Variants in SGCZ observed in about 807,000 individuals in gnomAD.
The protein encoded by SGCZ is sarcoglycan zeta, also known as zeta-sarcoglycan.
SGCZ carries 40 observed loss-of-function variants against 41.3 expected under a neutral mutation model. The observed-to-expected ratio is 0.97, with a 90% CI of 0.75 to 1.26. The LOEUF (loss-of-function observed/expected upper bound fraction) is 1.26. Among genes scored for constraint, SGCZ ranks in the 50% most tolerant of loss-of-function variants. The pLI is 0.00. For missense variants in SGCZ, 552 were observed against 369.8 expected, an observed-to-expected ratio of 1.49 and a Z score of -4.04; for synonymous variants, 206 against 137.5, an observed-to-expected ratio of 1.50 and a Z score of -3.49.
At chr8:14,932,878 C>G (rs1043953696) in intron 1 of SGCZ, among the ~76,000 whole-genome samples, 2 of 152,008 alleles carry the variant, frequency 1.3e-5, no homozygotes, top group African/African-American at 4.8e-5. Flanking sequence ...AACTGTGCAT[C>G]TAGTGGTAAG....
chr8:14,403,947 A>G (rs1208958464), intron 2 of SGCZ, among the ~76,000 whole-genome samples: 1 of 152,186 alleles, frequency 6.6e-6, no homozygotes. Flanking sequence ...GGTAATTTGA[A>G]GGAAGAGAAA....
chr8:15,232,689 A>G (rs13282992), intron 1 of SGCZ, among the ~76,000 whole-genome samples: 3,411 of 122,560 alleles, frequency 0.028, 90 homozygotes, highest in Middle Eastern at 0.045. Flanking sequence ...ATATATATAT[A>G]TGTGTGTATA....
intron 1 of SGCZ, among the ~76,000 whole-genome samples, chr8:15,139,442 A>G (rs1808237803): frequency 1.3e-5 from 2 of 152,328 alleles, no homozygotes; most frequent in South Asian, 4.1e-4. Flanking sequence ...TACTTTTCAG[A>G]AGGTCAATTA....
At chr8:14,551,606 T>TATAA (rs1433547575) in intron 2 of SGCZ, among the ~76,000 whole-genome samples, 1 of 45,246 alleles carries the variant, frequency 2.2e-5, no homozygotes, top group African/African-American at 1.1e-4. Context: ...ATTATATATA[T>TATAA]TATATATATA....
intron 2 of SGCZ, among the ~76,000 whole-genome samples, chr8:14,459,805 C>G (rs1214298771): frequency 2.0e-5 from 3 of 152,118 alleles, no homozygotes; most frequent in African/African-American, 7.2e-5. Context: ...TAAATAAAAG[C>G]AAGGAACATA....
intron 1 of SGCZ, 46 bp from the exon 2 acceptor site, chr8:14,554,972 A>T: frequency 6.7e-7 from 1 of 1,489,140 alleles, no homozygotes; most frequent in Non-Finnish European, 9.0e-7. Flanking sequence ...AAAAAAAAGA[A>T]GCATTAAAAA....
intron 1 of SGCZ, among the ~76,000 whole-genome samples, chr8:14,960,152 T>C (rs1800916754): frequency 6.6e-6 from 1 of 152,192 alleles, no homozygotes; most frequent in Admixed American, 6.6e-5. Flanking sequence ...GATTTCATCT[T>C]ATATATCCAT....
chr8:14,555,110 T>C (rs1803994856), intron 1 of SGCZ, among the ~76,000 whole-genome samples, 184 bp from the exon 2 acceptor site: 1 of 152,024 alleles, frequency 6.6e-6, no homozygotes, highest in Non-Finnish European at 1.5e-5. Context: ...TTGTTCAATA[T>C]AGTTTTTTAG....
intron 4 of SGCZ, among the ~76,000 whole-genome samples, chr8:14,223,546 A>ATT (rs71946746): frequency 2.0e-5 from 3 of 149,026 alleles, no homozygotes; most frequent in South Asian, 2.1e-4. Context: ...ATATATATAT[A>ATT]TATTTTAACA....
rs779564962 is a variant in SGCZ at position 14,377,331 on chromosome 8, C to A, written c.235-53127G>T. On this transcript the variant is annotated intron_variant, in intron 2 of 7. Coordinates refer to ENST00000382080, the MANE Select transcript of SGCZ (RefSeq NM_139167.4). ...GGAGGGTGGTGTGCATGCAGAGGTA[C>A]CCCTTGCCACATACCTTGCCCTATG... Among the ~76,000 whole-genome samples, 81 of 152,036 alleles carry A rather than the reference C, an allele frequency of 5.3e-4. No individual in the cohort carries two copies. The Middle Eastern group carries it at 0.01, about 19-fold the overall frequency.
At chr8:14,420,904 T>C (rs10099205) in intron 2 of SGCZ, among the ~76,000 whole-genome samples, 103,469 of 152,002 alleles carry the variant, frequency 0.68, 35,356 homozygotes, top group South Asian at 0.81. Flanking sequence ...TCTTTCCAGA[T>C]TTAACGAAAT....
At chr8:14,500,908 G>C (rs1360934804) in intron 2 of SGCZ, among the ~76,000 whole-genome samples, 1 of 151,840 alleles carries the variant, frequency 6.6e-6, no homozygotes, top group Non-Finnish European at 1.5e-5. Flanking sequence ...TTAACCAAAG[G>C]GAAACCATGA....
At chr8:14,643,062 C>G (rs915728441) in intron 1 of SGCZ, among the ~76,000 whole-genome samples, 3 of 151,586 alleles carry the variant, frequency 2.0e-5, no homozygotes, top group African/African-American at 7.3e-5. Context: ...ATGTGCTATA[C>G]TATTGCTTTC....
At chr8:15,140,584 A>C (rs1276487348) in intron 1 of SGCZ, among the ~76,000 whole-genome samples, 1 of 152,044 alleles carries the variant, frequency 6.6e-6, no homozygotes, top group Non-Finnish European at 1.5e-5. Flanking sequence ...ACCAACAAAA[A>C]CCAAAAATGA....
chr8:14,750,491 AGAG>A (rs1246585680), intron 1 of SGCZ, among the ~76,000 whole-genome samples: 1 of 152,174 alleles, frequency 6.6e-6, no homozygotes, highest in African/African-American at 2.4e-5. Flanking sequence ...GGAAGGAAGG[AGAG>A]AGCTGTCTTT....
intron 2 of SGCZ, among the ~76,000 whole-genome samples, chr8:14,524,351 C>T (rs546758013): frequency 1.3e-5 from 2 of 151,840 alleles, no homozygotes; most frequent in Admixed American, 1.3e-4. Flanking sequence ...CTCCTGGATT[C>T]GGGTGGGGGA....
chr8:14,671,040 T>C (rs1284223430), intron 1 of SGCZ, among the ~76,000 whole-genome samples: 1 of 152,180 alleles, frequency 6.6e-6, no homozygotes, highest in Admixed American at 6.5e-5. Flanking sequence ...GAAGCTTTGG[T>C]TGGGAAAGGA....
intron 1 of SGCZ, among the ~76,000 whole-genome samples, chr8:14,670,570 T>TC (rs1163114305): frequency 6.6e-6 from 1 of 152,174 alleles, no homozygotes; most frequent in Non-Finnish European, 1.5e-5. Flanking sequence ...TAATGGGATA[T>TC]GAGCAGATCT....
At chr8:14,375,305 G>A (rs1379380425) in intron 2 of SGCZ, among the ~76,000 whole-genome samples, 1 of 152,124 alleles carries the variant, frequency 6.6e-6, no homozygotes, top group African/African-American at 2.4e-5. Flanking sequence ...AAGAGAAATA[G>A]GTAGAAACAC....
Sources: gnomAD v4.1 joint callset for allele counts (sites outside exome capture counted in the v4.1 genomes callset) on GRCh38, gnomAD v4.1.1 for gene constraint, MANE v1.5 for transcripts, NCBI Gene and HGNC (gene_info 2026-07-23, HGNC 2026-07-21) for gene names.